Variants in SHISA9 observed in about 807,000 individuals in gnomAD.
SHISA9 encodes the protein shisa family member 9.
SHISA9 carries 13 observed loss-of-function variants against 38.0 expected under a neutral mutation model. The ratio of observed to expected loss-of-function variants is 0.34; its 90% confidence interval spans 0.22 to 0.54. The LOEUF is 0.54. Ranked by LOEUF, SHISA9 falls within the 20% of genes least tolerant of loss-of-function variation. SHISA9 has a pLI of 0.91. For synonymous variants in SHISA9, 275 were observed against 242.0 expected, an observed-to-expected ratio of 1.14 and a Z score of -1.27; for missense variants, 538 against 575.8, an observed-to-expected ratio of 0.93 and a Z score of 0.67.
the SHISA9 span, among the ~76,000 whole-genome samples, chr16:13,469,381 GAA>G: frequency 1.0e-5 from 1 of 100,392 alleles, no homozygotes; most frequent in South Asian, 4.1e-4. Context: ...AAGAAAGAAA[GAA>G]AGAAAGAAAG....
intron 2 of SHISA9, among the ~76,000 whole-genome samples, chr16:13,077,145 C>T (rs2073591821): frequency 6.6e-6 from 1 of 152,202 alleles, no homozygotes; most frequent in Non-Finnish European, 1.5e-5. Flanking sequence ...TTCCGCCTTT[C>T]ACCCTGGACT....
rs1331023197 is a variant in SHISA9 at position 12,908,471 on chromosome 16, T to C, written c.563+5844T>C. 2.6e-6 allele frequency: 4 copies of C among 1,551,944 alleles called. No individual in the cohort carries two copies. In the African/African-American group the frequency reaches 5.5e-5, roughly 21 times the overall value. On this transcript the variant is annotated intron_variant, in intron 1 of 4. Transcript: ENST00000558583. ...CGTTTAATTTCATACCCTTCCCCCA[T>C]GAGGTAGGCTCTATGACAATCTGCT...
At chr16:12,927,500 G>A (rs770801601) in intron 2 of SHISA9, among the ~76,000 whole-genome samples, 30 of 152,060 alleles carry the variant, frequency 2.0e-4, no homozygotes, top group Non-Finnish European at 3.4e-4. Flanking sequence ...CTGGGTTCAC[G>A]TGATCTGCCC....
intron 2 of SHISA9, among the ~76,000 whole-genome samples, chr16:12,924,111 A>T (rs927545979): frequency 6.6e-6 from 1 of 152,128 alleles, no homozygotes; most frequent in Non-Finnish European, 1.5e-5. Flanking sequence ...CAGTCAATGG[A>T]TCAGTGGTCT....
At chr16:13,273,811 A>G in the SHISA9 span, among the ~76,000 whole-genome samples, 4 of 152,132 alleles carry the variant, frequency 2.6e-5, no homozygotes, top group African/African-American at 9.7e-5. Flanking sequence ...TTTCTCTCCT[A>G]AACCTCAGAA....
the SHISA9 span, among the ~76,000 whole-genome samples, chr16:13,273,008 C>A: frequency 2.0e-5 from 3 of 152,112 alleles, no homozygotes; most frequent in East Asian, 1.9e-4. Flanking sequence ...CCTGAACTTG[C>A]AAAGCCACAG....
intron 2 of SHISA9, among the ~76,000 whole-genome samples, chr16:13,176,323 T>A (rs1401577035): frequency 6.6e-6 from 1 of 151,966 alleles, no homozygotes; most frequent in Non-Finnish European, 1.5e-5. Context: ...CTGACACGAG[T>A]CATCTGTCCT....
chr16:13,539,904 A>G, the SHISA9 span, among the ~76,000 whole-genome samples: 1 of 147,540 alleles, frequency 6.8e-6, no homozygotes, highest in Non-Finnish European at 1.5e-5. Context: ...AGCTTCATCC[A>G]TGCTGCTGCA....
chr16:12,960,692 C>T (rs982424371), intron 2 of SHISA9, among the ~76,000 whole-genome samples: 11 of 152,180 alleles, frequency 7.2e-5, no homozygotes, highest in Non-Finnish European at 1.5e-4. Flanking sequence ...CATGTGTTCT[C>T]ACTTTTAAGT....
chr16:12,930,213 A>T (rs925328999), intron 2 of SHISA9, among the ~76,000 whole-genome samples: 2 of 152,196 alleles, frequency 1.3e-5, no homozygotes, highest in African/African-American at 2.4e-5. Context: ...AATTTTTCAG[A>T]TGGAATAAAT....
chr16:13,248,957 A>C, the SHISA9 span, among the ~76,000 whole-genome samples: 1 of 152,144 alleles, frequency 6.6e-6, no homozygotes, highest in Non-Finnish European at 1.5e-5. Context: ...CAGGGCTTTC[A>C]TTCTTATGTG....
chr16:13,004,075 G>T (rs1051845162), intron 2 of SHISA9, among the ~76,000 whole-genome samples: 1 of 152,146 alleles, frequency 6.6e-6, no homozygotes, highest in Non-Finnish European at 1.5e-5. Context: ...AAGGGTGGAG[G>T]CATTTGGCAG....
intron 2 of SHISA9, among the ~76,000 whole-genome samples, chr16:13,012,715 C>T (rs528448161): frequency 2.0e-5 from 3 of 152,300 alleles, no homozygotes; most frequent in South Asian, 2.1e-4. Context: ...AAAGGGCCTG[C>T]AGGGGAATTT....
intron 2 of SHISA9, among the ~76,000 whole-genome samples, chr16:13,014,372 C>T (rs1567181775): frequency 6.6e-6 from 1 of 152,236 alleles, no homozygotes; most frequent in African/African-American, 2.4e-5. Flanking sequence ...TTGACCCTTC[C>T]CTTTTTGTTT....
At chr16:13,428,662 T>G in the SHISA9 span, among the ~76,000 whole-genome samples, 27 of 152,350 alleles carry the variant, frequency 1.8e-4, no homozygotes, top group South Asian at 5.6e-3. Context: ...AGAAGTTATT[T>G]TATTAATGAA....
chr16:13,084,901 T>A (rs1184536473), intron 2 of SHISA9, among the ~76,000 whole-genome samples: 1 of 152,032 alleles, frequency 6.6e-6, no homozygotes, highest in East Asian at 1.9e-4. Context: ...GGGGGGAAGG[T>A]TTTGTTTGAG....
the SHISA9 span, among the ~76,000 whole-genome samples, chr16:13,499,371 G>A: frequency 1.3e-5 from 2 of 152,194 alleles, no homozygotes; most frequent in Non-Finnish European, 2.9e-5. Context: ...GATTCTAAAA[G>A]CGGTGCTCTG....
intron 2 of SHISA9, among the ~76,000 whole-genome samples, chr16:13,181,294 TATATATATATATATATATACACAC>T (rs1322793163): frequency 2.1e-5 from 1 of 47,612 alleles, no homozygotes; most frequent in Non-Finnish European, 3.5e-5. Context: ...TATATATATA[TATATATATATATATATATACACAC>T]ACACACACAC....
chr16:13,398,541 C>A, the SHISA9 span, among the ~76,000 whole-genome samples: 5 of 150,306 alleles, frequency 3.3e-5, no homozygotes, highest in Non-Finnish European at 7.4e-5. Context: ...TGCTCTTTAG[C>A]CCAGGCTAGA....
Sources: allele counts gnomAD v4.1 joint callset (sites outside exome capture counted in the v4.1 genomes callset), GRCh38; gene constraint gnomAD v4.1.1; transcripts MANE v1.5; gene names NCBI Gene and HGNC (gene_info 2026-07-23, HGNC 2026-07-21).